FBXL2: variants seen among roughly 807,000 people sequenced by gnomAD.
FBXL2 encodes the protein F-box/LRR-repeat protein 2.
Under a neutral mutation model 69.2 loss-of-function variants are expected in FBXL2, and 38 were observed. That is an observed-to-expected ratio of 0.55 (90% CI 0.42 to 0.72). The LOEUF (loss-of-function observed/expected upper bound fraction) is 0.72, where lower values mean the gene tolerates loss of function less well. Ranked by LOEUF, FBXL2 falls within the 30% of genes least tolerant of loss-of-function variation. The pLI is 0.00. For missense variants in FBXL2, 354 were observed against 520.3 expected (o/e 0.68, Z 3.11); for synonymous variants, 192 against 201.3 (o/e 0.95, Z 0.39).
chr3:33,375,167 A>T, intron 9 of FBXL2, 121 bp from the exon 10 acceptor site: 1 of 1,184,804 alleles, frequency 8.4e-7, no homozygotes, highest in Non-Finnish European at 1.2e-6. Context: ...TGTTGAAGTT[A>T]TTTGGATAAA....
At chr3:33,405,754 CTG>C, downstream of FBXL2, among the ~76,000 whole-genome samples, 1 of 152,272 alleles carries the variant, frequency 6.6e-6, no homozygotes, top group South Asian at 2.1e-4. Context: ...GGGCAAGACA[CTG>C]TCTCTAAAAA....
chr3:33,286,074 C>G (rs1273370188), intron 1 of FBXL2, among the ~76,000 whole-genome samples: 1 of 152,192 alleles, frequency 6.6e-6, no homozygotes, highest in Non-Finnish European at 1.5e-5. Context: ...TGTTCTGTTG[C>G]TGGCAAGGAG....
At chr3:33,396,113 T>C (rs2043982283) in intron 12 of FBXL2, 3 of 1,471,564 alleles carry the variant, frequency 2.0e-6, no homozygotes, top group South Asian at 2.7e-5. Flanking sequence ...TTTCCGTTTC[T>C]GTCTGACAGT....
intron 2 of FBXL2, among the ~76,000 whole-genome samples, chr3:33,299,305 G>A (rs529681134): frequency 6.6e-6 from 1 of 152,244 alleles, no homozygotes; most frequent in South Asian, 2.1e-4. Context: ...GCCTCCCAAA[G>A]TGTTGGGATT....
intron 1 of FBXL2, among the ~76,000 whole-genome samples, chr3:33,278,700 C>A (rs1163003275): frequency 6.6e-6 from 1 of 152,172 alleles, no homozygotes; most frequent in African/African-American, 2.4e-5. Context: ...AGAAAAACAT[C>A]ACCCATAAAT....
intron 5 of FBXL2, among the ~76,000 whole-genome samples, chr3:33,365,500 G>C (rs753463452): frequency 9.9e-5 from 15 of 152,064 alleles, no homozygotes; most frequent in Non-Finnish European, 1.5e-4. Context: ...CGCTGGTCTT[G>C]AACTCCTGAG....
intron 2 of FBXL2, among the ~76,000 whole-genome samples, chr3:33,348,672 G>T (rs937249454): frequency 6.6e-6 from 1 of 151,894 alleles, no homozygotes; most frequent in South Asian, 2.1e-4. Context: ...AACTGAGATC[G>T]CACCACTGCA....
intron 10 of FBXL2, among the ~76,000 whole-genome samples, chr3:33,375,665 C>T (rs1478481681): frequency 6.6e-6 from 1 of 152,116 alleles, no homozygotes; most frequent in Non-Finnish European, 1.5e-5. Context: ...GAATGTCACA[C>T]AGTTTCCCAC....
At chr3:33,412,057 C>T in the FBXL2 span, among the ~76,000 whole-genome samples, 7 of 151,980 alleles carry the variant, frequency 4.6e-5, no homozygotes, top group East Asian at 3.9e-4. Flanking sequence ...CGCAGTGGCG[C>T]GTGCCTGTAG....
At chr3:33,377,950 G>T (rs1478625083) in intron 11 of FBXL2, among the ~76,000 whole-genome samples, 153 bp from the exon 12 acceptor site, 3 of 152,230 alleles carry the variant, frequency 2.0e-5, no homozygotes, top group Admixed American at 6.5e-5. Flanking sequence ...CTGTTCAGAA[G>T]TGCTGGTTTA....
At chr3:33,307,467 A>AT (rs924314436) in intron 2 of FBXL2, among the ~76,000 whole-genome samples, 4 of 151,564 alleles carry the variant, frequency 2.6e-5, no homozygotes, top group African/African-American at 9.7e-5. Flanking sequence ...CCTGGGTCAG[A>AT]TTTTTTTTTC....
At chr3:33,326,192 C>G (rs1249413567) in intron 2 of FBXL2, among the ~76,000 whole-genome samples, 1 of 152,140 alleles carries the variant, frequency 6.6e-6, no homozygotes, top group Non-Finnish European at 1.5e-5. Context: ...TTCTTTGAAG[C>G]TGCCCTTAAA....
At chr3:33,418,840 C>T in the FBXL2 span, among the ~76,000 whole-genome samples, 15 of 88,540 alleles carry the variant, frequency 1.7e-4, no homozygotes, top group Non-Finnish European at 2.5e-4. Context: ...GCCCAGGCAA[C>T]AAGAACGAAA....
At chr3:33,292,748 A>G (rs960056324) in intron 1 of FBXL2, among the ~76,000 whole-genome samples, 1 of 152,276 alleles carries the variant, frequency 6.6e-6, no homozygotes, top group South Asian at 2.1e-4. Context: ...AAAAACAAGC[A>G]AAAAACTTCC....
chr3:33,336,226 A>C (rs2039567107), intron 2 of FBXL2, among the ~76,000 whole-genome samples: 1 of 152,238 alleles, frequency 6.6e-6, no homozygotes, highest in Non-Finnish European at 1.5e-5. Flanking sequence ...AACACAGAGT[A>C]GTATATTAGT....
intron 2 of FBXL2, among the ~76,000 whole-genome samples, chr3:33,310,034 A>G (rs112090100): frequency 1.3e-5 from 2 of 152,144 alleles, no homozygotes; most frequent in African/African-American, 4.8e-5. Flanking sequence ...AAAACTCTAC[A>G]TTGTTTCTTT....
the FBXL2 span, among the ~76,000 whole-genome samples, chr3:33,420,311 G>A: frequency 6.6e-6 from 1 of 151,944 alleles, no homozygotes; most frequent in Non-Finnish European, 1.5e-5. Flanking sequence ...GGGACTTATA[G>A]CTGTACTTTA....
rs71070133 is a variant in FBXL2 at position 33,387,618 on chromosome 3, A to AAAACAAC, written c.*2016_*2017insCAAACAA. The AAAACAAC allele has an allele frequency of 0.36, 53,492 of 150,312 alleles. 9,684 individuals carry two copies. The highest frequency in any genetic ancestry group is 0.47 in the East Asian group (2,416 of 5,124). The allele number at this position is 150,312 out of a possible 1,614,324, so 9.3% of individuals were successfully genotyped here. On this transcript the variant is annotated 3_prime_UTR_variant, in exon 15 of 15. Transcript: ENST00000484457. Reference sequence around the variant, plus strand: ...TGAGACTCCATCATCATCTCAAAACAAAACAAACAAACAAACAAAACAAAC... The same window carrying AAAACAAC: ...TGAGACTCCATCATCATCTCAAAACAAAACAACAAACAAACAAACAAACAAAACAAAC...
At chr3:33,338,695 G>C (rs991714800) in intron 2 of FBXL2, among the ~76,000 whole-genome samples, 4 of 152,134 alleles carry the variant, frequency 2.6e-5, no homozygotes, top group Non-Finnish European at 1.5e-5. Flanking sequence ...CCTATTCAAT[G>C]AATGGTGCTG....
Sources: allele counts gnomAD v4.1 joint callset (sites outside exome capture counted in the v4.1 genomes callset), GRCh38; gene constraint gnomAD v4.1.1; transcripts MANE v1.5; gene names NCBI Gene and HGNC (gene_info 2026-07-23, HGNC 2026-07-21).